The following CREM variants were observed in gnomAD, a reference collection of about 807,000 sequenced individuals.
The protein encoded by CREM is cAMP-responsive element modulator.
In CREM, 13 loss-of-function variants were observed where a neutral mutation model predicts 37.3. The observed-to-expected ratio is 0.35, with a 90% CI of 0.23 to 0.55. The LOEUF is 0.55. Among genes scored for constraint, CREM ranks in the 20% least tolerant of loss-of-function variants. The pLI, the probability that CREM is intolerant of heterozygous loss-of-function variation, is 0.88. For synonymous variants in CREM, 124 were observed against 120.2 expected (o/e 1.03, Z -0.21); for missense variants, 296 against 362.3 (o/e 0.82, Z 1.49).
At chr10:35,197,824 G>A (rs889661900) in intron 6 of CREM, among the ~76,000 whole-genome samples, 1 of 151,918 alleles carries the variant, frequency 6.6e-6, no homozygotes, top group African/African-American at 2.4e-5. Context: ...AGGTGTAGTA[G>A]AGTAGCTTTA....
At chr10:35,160,977 T>A (rs1042858714) in intron 3 of CREM, among the ~76,000 whole-genome samples, 6 of 152,216 alleles carry the variant, frequency 3.9e-5, no homozygotes, top group Non-Finnish European at 8.8e-5. Context: ...TGCCTTCTTC[T>A]GGATACTCGC....
rs183459984 is a variant in CREM, at chr10:35,183,813, G to A, written c.410-4387G>A. Among the ~76,000 whole-genome samples the A allele has an allele frequency of 2.0e-5, 3 of 152,296 alleles. No homozygotes were observed. The East Asian group carries it at 5.8e-4, about 29-fold the overall frequency. ...ACATGGGCCGGGCGTGATGGTTCACGCCTGTAATCCCAGCACTTTGGGAGG... is the reference window on the plus strand; with the variant it reads ...ACATGGGCCGGGCGTGATGGTTCACACCTGTAATCCCAGCACTTTGGGAGG... On this transcript the variant is annotated intron_variant, in intron 5 of 7. Coordinates refer to ENST00000685392, the MANE Select transcript of CREM (RefSeq NM_183011.2).
At chr10:35,186,631 ATG>A in intron 5 of CREM, among the ~76,000 whole-genome samples, 1 of 144,468 alleles carries the variant, frequency 6.9e-6, no homozygotes, top group South Asian at 2.1e-4. Flanking sequence ...TATATAATAT[ATG>A]TAAATTATAT....
chr10:35,171,692 T>TAA (rs1439376750), intron 3 of CREM, among the ~76,000 whole-genome samples: 4 of 152,170 alleles, frequency 2.6e-5, no homozygotes, highest in African/African-American at 9.7e-5. Flanking sequence ...TTTGTGAGAA[T>TAA]ACTTGTAGGA....
intron 6 of CREM, chr10:35,196,000 T>G (rs2095142490): frequency 6.3e-7 from 1 of 1,580,070 alleles, no homozygotes; most frequent in African/African-American, 1.3e-5. Flanking sequence ...TAGCCCTACT[T>G]TAACATTTCT....
intron 6 of CREM, among the ~76,000 whole-genome samples, chr10:35,190,610 A>C (rs2094868344): frequency 6.6e-6 from 1 of 152,070 alleles, no homozygotes; most frequent in South Asian, 2.1e-4. Flanking sequence ...AATAAGTTTG[A>C]GTTTCTAAAT....
At chr10:35,199,656 C>T (rs1441381712) in intron 6 of CREM, among the ~76,000 whole-genome samples, 1 of 152,100 alleles carries the variant, frequency 6.6e-6, no homozygotes, top group Admixed American at 6.5e-5. Context: ...CCCAACTACA[C>T]CCAGGTCAGA....
chr10:35,195,051 A>G, intron 6 of CREM: 1 of 813,936 alleles, frequency 1.2e-6, no homozygotes, highest in Non-Finnish European at 1.9e-6. Flanking sequence ...TGACAAAGCA[A>G]ATTGATGGCA....
rs2095542293 is a variant in CREM, at chr10:35,207,061, T to C, written c.755+10T>C. 2 of 1,608,316 alleles carry C rather than the reference T, an allele frequency of 1.2e-6. No homozygotes were observed. Among genetic ancestry groups the C allele is most frequent in the African/African-American group, 1.3e-5 (1 of 74,692 alleles). Reference sequence around the variant, plus strand: ...GGCTAATGAAAAACAGGTGAGGTGTTGCACAGGGAATCGGTAACTTCTAGG... The same window carrying C: ...GGCTAATGAAAAACAGGTGAGGTGTCGCACAGGGAATCGGTAACTTCTAGG... On this transcript the variant is annotated intron_variant, in intron 7 of 7. Transcript: ENST00000685392.
At chr10:35,178,809 C>G (rs965448757) in intron 3 of CREM, 80 bp from the exon 4 acceptor site, 1 of 1,129,386 alleles carries the variant, frequency 8.9e-7, no homozygotes, top group African/African-American at 1.6e-5. Flanking sequence ...GCTGCACACA[C>G]AGACTCTTAG....
chr10:35,163,088 G>A (rs1345325461), intron 3 of CREM, among the ~76,000 whole-genome samples: 1 of 151,646 alleles, frequency 6.6e-6, no homozygotes, highest in Non-Finnish European at 1.5e-5. Context: ...TGCCTGTAGT[G>A]CTATCTACTC....
chr10:35,187,271 GT>G (rs113824814), intron 5 of CREM, among the ~76,000 whole-genome samples: 18,541 of 113,580 alleles, frequency 0.16, 1,581 homozygotes, highest in East Asian at 0.25. Context: ...ATGTATGTTG[GT>G]TTTTTTTTTT....
intron 6 of CREM, among the ~76,000 whole-genome samples, chr10:35,198,416 G>A (rs907572097): frequency 1.3e-5 from 2 of 151,816 alleles, no homozygotes; most frequent in African/African-American, 2.4e-5. Flanking sequence ...TCAGCTACTC[G>A]GGAAGCTGAG....
chr10:35,135,821 TGTC>T (rs1233062099), intron 1 of CREM, among the ~76,000 whole-genome samples: 2 of 145,732 alleles, frequency 1.4e-5, no homozygotes, highest in African/African-American at 5.1e-5. Context: ...ATGAAAGTAA[TGTC>T]ATAAAGAATT....
At chr10:35,197,932 C>T (rs2095260721) in intron 6 of CREM, among the ~76,000 whole-genome samples, 2 of 152,100 alleles carry the variant, frequency 1.3e-5, no homozygotes, top group African/African-American at 2.4e-5. Context: ...CAACCATGAC[C>T]CACGTTAATT....
chr10:35,137,570 T>C (rs949109765), intron 1 of CREM, among the ~76,000 whole-genome samples: 5 of 152,152 alleles, frequency 3.3e-5, no homozygotes, highest in Admixed American at 6.6e-5. Context: ...AGAAGTAAGA[T>C]TGACAAAAAA....
chr10:35,188,348 A>G lies in CREM; in HGVS notation c.558A>G (p.Thr186=), dbSNP rs777337407. The G allele has an allele frequency of 1.2e-6, 2 of 1,613,190 alleles. No homozygotes were observed. Among genetic ancestry groups the G allele is most frequent in the Non-Finnish European group, 1.7e-6 (2 of 1,179,782 alleles). Residue 186 remains threonine (T), a synonymous_variant, in exon 6 of 8, where the codon ACA becomes ACG. Transcript: ENST00000685392. ...ACGCAGCACAATCAGCTGATGGCAC[A>G]CAGCAGTTCTTTGTCCCAGGCAGCC... is the stretch of plus-strand genomic sequence containing the variant. ...VQYAAQSADG[T]QQFFVPGSQV...
intron 1 of CREM, among the ~76,000 whole-genome samples, chr10:35,128,131 C>T (rs1589111399): frequency 6.6e-6 from 1 of 152,202 alleles, no homozygotes; most frequent in Non-Finnish European, 1.5e-5. Context: ...AGCCGCCGCG[C>T]CTGGCCTCAG....
chr10:35,165,675 C>T (rs2093515475), intron 3 of CREM, among the ~76,000 whole-genome samples: 1 of 151,710 alleles, frequency 6.6e-6, no homozygotes, highest in Non-Finnish European at 1.5e-5. Flanking sequence ...AGTTTGACTT[C>T]TATAAAGGTC....
Sources: allele counts gnomAD v4.1 joint callset (sites outside exome capture counted in the v4.1 genomes callset), GRCh38; gene constraint gnomAD v4.1.1; transcripts MANE v1.5; gene names NCBI Gene and HGNC (gene_info 2026-07-23, HGNC 2026-07-21).